The following PCDHB14 variants were observed in gnomAD, a reference collection of about 807,000 sequenced individuals.
PCDHB14 encodes the protein protocadherin beta 14.
For missense variants in PCDHB14, 1,129 were observed against 1,000.5 expected, an observed-to-expected ratio of 1.13 and a Z score of -1.73; for synonymous variants, 511 against 441.5, an observed-to-expected ratio of 1.16 and a Z score of -1.97.
chr5:141,224,945 A>C lies in PCDHB14; in HGVS notation c.1440A>C (p.Ser480=), dbSNP rs201491307. ...IGSVSATDRD[S]GTNAQVNYSL... is the part of the protein sequence containing the mutation. ...GCGTCAGCGCCACAGACAGAGACTC[A>C]GGCACCAACGCCCAGGTCAACTACT... Residue 480 remains serine (S), a synonymous_variant, in exon 1 of 1, where the codon TCA becomes TCC. Coordinates refer to ENST00000239449, the MANE Select transcript of PCDHB14 (RefSeq NM_018934.4). The C allele has an allele frequency of 6.2e-7, 1 of 1,612,676 alleles. No homozygotes were observed. The highest frequency in any genetic ancestry group is 8.5e-7 in the Non-Finnish European group (1 of 1,180,022).
chr5:141,225,060 C>G lies in PCDHB14; in HGVS notation c.1555C>G (p.Leu519Val). 1 of 1,612,484 alleles carries G rather than the reference C, an allele frequency of 6.2e-7. No individual in the cohort carries two copies. The highest frequency in any genetic ancestry group is 8.5e-7 in the Non-Finnish European group (1 of 1,179,928). The change falls in exon 1 of 1, where the codon CTG becomes GTG. Residue 519 changes from leucine to valine, a missense_variant. Leu to Val is a conservative substitution (Grantham distance 32). Transcript: ENST00000239449. ...DNGHLFALRSLDYEALQEFEF... is the reference protein window; with the variant it reads ...DNGHLFALRSVDYEALQEFEF... ...TGGCCACCTGTTTGCCCTCAGGTCG[C>G]TGGACTACGAGGCCCTACAGGAGTT... is the stretch of plus-strand genomic sequence containing the variant.
chr5:141,223,894 C>T lies in PCDHB14; in HGVS notation c.389C>T (p.Ser130Phe), dbSNP rs782262828. 6.2e-7 allele frequency: 1 copy of T among 1,613,432 alleles called. No individual in the cohort carries two copies. Among genetic ancestry groups the T allele is most frequent in the South Asian group, 1.1e-5 (1 of 91,008 alleles). ...ELCVKDINDH[S>F]PTFLDKEILI... ...TGTGTCAAAGACATAAATGATCACT[C>T]CCCTACATTTCTAGACAAGGAAATA... The change falls in exon 1 of 1, where the codon TCC (serine) becomes TTC (phenylalanine). Residue 130 changes from serine to phenylalanine, a missense_variant. Physicochemically the swap from Ser to Phe is radical, Grantham distance 155. Coordinates refer to ENST00000239449, the MANE Select transcript of PCDHB14 (RefSeq NM_018934.4).
chr5:141,223,606 C>G lies in PCDHB14; in HGVS notation c.101C>G (p.Ser34Cys), dbSNP rs1262522304. ...GCAGGTACTGAATCTGCACACTATT[C>G]TGTGGCAGAGGAAACAGAAATTGGC... ...SRAGTESAHYSVAEETEIGSF... is the reference protein window; with the variant it reads ...SRAGTESAHYCVAEETEIGSF... Residue 34 changes from serine to cysteine, a missense_variant, in exon 1 of 1, where the codon TCT becomes TGT. Transcript: ENST00000239449. The G allele has an allele frequency of 6.2e-7, 1 of 1,614,056 alleles. No individual in the cohort carries two copies. The highest frequency in any genetic ancestry group is 1.1e-5 in the South Asian group (1 of 91,082).
chr5:141,223,663 G>A lies in PCDHB14; in HGVS notation c.158G>A (p.Gly53Glu), dbSNP rs369377622. The A allele has an allele frequency of 1.1e-5, 17 of 1,614,162 alleles. No homozygotes were observed. Among genetic ancestry groups the A allele is most frequent in the Non-Finnish European group, 1.4e-5 (17 of 1,180,034 alleles). ...GTGGCTAATCTAGCGAGGGACCTAGGGCTGGGGGTGGAGGAGCTGTCTTCA... is the reference window on the plus strand; with the variant it reads ...GTGGCTAATCTAGCGAGGGACCTAGAGCTGGGGGTGGAGGAGCTGTCTTCA... ...SFVANLARDL[G>E]LGVEELSSRE... is the part of the protein sequence containing the mutation. Residue 53 changes from glycine to glutamate, a missense_variant, in exon 1 of 1, where the codon GGG (glycine) becomes GAG (glutamate). Physicochemically the swap from Gly to Glu is moderately conservative, Grantham distance 98 (BLOSUM62 -2). Coordinates refer to ENST00000239449, the MANE Select transcript of PCDHB14 (RefSeq NM_018934.4).
At position 141,224,304 on chromosome 5, in the gene PCDHB14, A is replaced by G; in HGVS notation, c.799A>G (p.Lys267Glu). The change falls in exon 1 of 1, where the codon AAG becomes GAG. Residue 267 changes from lysine (K) to glutamate (E), a missense_variant. Coordinates refer to ENST00000239449, the MANE Select transcript of PCDHB14 (RefSeq NM_018934.4). ...LGSWIATISAKDLDAGNYGKI... is the reference protein window; with the variant it reads ...LGSWIATISAEDLDAGNYGKI... ...CTCCTGGATTGCCACCATCTCAGCT[A>G]AGGATCTGGATGCAGGAAACTATGG... 2.5e-6 allele frequency: 4 copies of G among 1,614,126 alleles called. No homozygotes were observed. Among genetic ancestry groups the G allele is most frequent in the Non-Finnish European group, 3.4e-6 (4 of 1,179,996 alleles).
Position 141,225,703 on chromosome 5 carries a change from C to G in PCDHB14, c.2198C>G (p.Pro733Arg). Residue 733 changes from proline (P) to arginine (R), a missense_variant, in exon 1 of 1, where the codon CCA (proline) becomes CGA (arginine). Transcript: ENST00000239449. The part of the protein sequence containing the change: ...GRCSVPEGPF[P>R]GHLVDVSGTG... ...TGCTCGGTGCCCGAGGGTCCCTTTC[C>G]AGGGCATCTGGTGGACGTGAGCGGC... The G allele has an allele frequency of 1.2e-6, 2 of 1,614,202 alleles. No homozygotes were observed. Among genetic ancestry groups the G allele is most frequent in the Non-Finnish European group, 1.7e-6 (2 of 1,180,048 alleles).
Position 141,225,544 on chromosome 5 carries a change from A to T in PCDHB14, c.2039A>T (p.Gln680Leu), listed in dbSNP as rs1754837083. The T allele has an allele frequency of 3.1e-6, 5 of 1,610,156 alleles. No homozygotes were observed. In the Admixed American group the frequency reaches 6.7e-5, roughly 21 times the overall value. The change falls in exon 1 of 1, where the codon CAG (glutamine) becomes CTG (leucine). Residue 680 changes from glutamine (Q) to leucine (L), a missense_variant. Physicochemically the swap from Gln to Leu is moderately radical, Grantham distance 113. Coordinates refer to ENST00000239449, the MANE Select transcript of PCDHB14 (RefSeq NM_018934.4). The stretch of plus-strand genomic sequence containing the variant: ...CCGCTCCCTGAGGCGGCCCCGGCCC[A>T]GGCCCAGGCCGACTCCCTCACCGTC... ...YLPLPEAAPA[Q>L]AQADSLTVYL...
In PCDHB14 at chr5:141,224,440, T is replaced by C. The variant is rs1554289168; in HGVS notation, c.935T>C (p.Ile312Thr). ...AGATCACCCCTGGATTTTGAAGTAA[T>C]ACAGTCCTACACTATAAATATTCAG... Reference protein sequence around the residue: ...NLRSPLDFEVIQSYTINIQAT... With the variant: ...NLRSPLDFEVTQSYTINIQAT... Residue 312 changes from isoleucine to threonine, a missense_variant, in exon 1 of 1, where the codon ATA (isoleucine) becomes ACA (threonine). By Grantham distance (89) the Ile-to-Thr change is moderately conservative. Coordinates refer to ENST00000239449, the MANE Select transcript of PCDHB14 (RefSeq NM_018934.4). 6.2e-7 allele frequency: 1 copy of C among 1,609,472 alleles called. No homozygotes were observed. The highest frequency in any genetic ancestry group is 1.1e-5 in the South Asian group (1 of 90,152).
Position 141,225,618 on chromosome 5 carries a change from G to T in PCDHB14, c.2113G>T (p.Val705Leu), listed in dbSNP as rs1554289544. The change falls in exon 1 of 1, where the codon GTG becomes TTG. Residue 705 changes from valine (V) to leucine (L), a missense_variant. Transcript: ENST00000239449. ...ASVSSLFLFS[V>L]LLFVAVRLCR... ...GGTGTCGTCGCTCTTCCTCTTCTCGGTGCTCCTGTTCGTGGCGGTGCGGCT... is the reference window on the plus strand; with the variant it reads ...GGTGTCGTCGCTCTTCCTCTTCTCGTTGCTCCTGTTCGTGGCGGTGCGGCT... 2 of 1,612,554 alleles carry T rather than the reference G, an allele frequency of 1.2e-6. No individual in the cohort carries two copies. Among genetic ancestry groups the T allele is most frequent in the South Asian group, 1.1e-5 (1 of 91,060 alleles).
rs782199750 is a variant in PCDHB14, at chr5:141,225,083, G to T, written c.1578G>T (p.Glu526Asp). 4 of 1,612,334 alleles carry T rather than the reference G, an allele frequency of 2.5e-6. No homozygotes were observed. The highest frequency in any genetic ancestry group is 3.4e-6 in the Non-Finnish European group (4 of 1,179,884). ...CGCTGGACTACGAGGCCCTACAGGA[G>T]TTCGAGTTTCGCGTGGGCGCCACAG... ...LRSLDYEALQ[E>D]FEFRVGATDR... Residue 526 changes from glutamate (E) to aspartate (D), a missense_variant, in exon 1 of 1, where the codon GAG becomes GAT. Coordinates refer to ENST00000239449, the MANE Select transcript of PCDHB14 (RefSeq NM_018934.4).
In PCDHB14 at chr5:141,225,510, C is replaced by G. The variant is rs879969091; in HGVS notation, c.2005C>G (p.Pro669Ala). Residue 669 changes from proline to alanine, a missense_variant, in exon 1 of 1, where the codon CCC (proline) becomes GCC (alanine). Pro to Ala is a conservative substitution (Grantham distance 27, BLOSUM62 -1). Coordinates refer to ENST00000239449, the MANE Select transcript of PCDHB14 (RefSeq NM_018934.4). ...HVLLVDGFSQPYLPLPEAAPA... is the reference protein window; with the variant it reads ...HVLLVDGFSQAYLPLPEAAPA... ...GCTCCTGGTGGACGGCTTCTCCCAG[C>G]CCTACCTGCCGCTCCCTGAGGCGGC... 1.9e-6 allele frequency: 3 copies of G among 1,608,152 alleles called. No individual in the cohort carries two copies. The South Asian group carries it at 3.3e-5, about 18-fold the overall frequency.
In PCDHB14 at chr5:141,225,458, T is replaced by G. The variant is rs650955; in HGVS notation, c.1953T>G (p.Pro651=). ...TGGTCAAGGACAATGGCGAGCCTCC[T>G]CGCTCGGCCACCGCCACGCTGCACG... The part of the protein sequence containing the change: ...VVLVKDNGEP[P]RSATATLHVL... The change falls in exon 1 of 1, where the codon CCT becomes CCG. Residue 651 remains proline (P), a synonymous_variant. Transcript: ENST00000239449. The G allele has an allele frequency of 0.68, 930,858 of 1,359,512 alleles. 348,489 individuals are homozygous for G. The highest frequency in any genetic ancestry group is 0.85 in the African/African-American group (60,700 of 71,576). 84.2% of individuals were successfully genotyped at this position (1,359,512 alleles called of 1,614,324 possible). A position where few individuals can be genotyped will look rare whatever the true frequency, so the allele number is the denominator to read the frequency against.
rs1451674573 is a variant in PCDHB14, at chr5:141,225,310, T to C, written c.1805T>C (p.Leu602Pro). Residue 602 changes from leucine (L) to proline (P), a missense_variant, in exon 1 of 1, where the codon CTG becomes CCG. By Grantham distance (98) the Leu-to-Pro change is moderately conservative (BLOSUM62 -3). Coordinates refer to ENST00000239449, the MANE Select transcript of PCDHB14 (RefSeq NM_018934.4). ...VDGDSGQNAW[L>P]SYQLLKATEP... is the part of the protein sequence containing the mutation. ...GGCGACTCGGGCCAGAACGCCTGGC[T>C]GTCGTACCAGCTGCTCAAGGCCACG... 1.9e-6 allele frequency: 3 copies of C among 1,600,014 alleles called. No individual in the cohort carries two copies. The highest frequency in any genetic ancestry group is 4.5e-5 in the East Asian group (2 of 44,816).
In PCDHB14 at chr5:141,226,050, A is replaced by C. The variant is rs1163295713; in HGVS notation, c.*148A>C. ...TCTCACAGTTTCTTTAAAAATCTTT[A>C]TTAGTGGCTATAATGACGTGGAAAT... On this transcript the variant is annotated 3_prime_UTR_variant, in exon 1 of 1. Coordinates refer to ENST00000239449, the MANE Select transcript of PCDHB14 (RefSeq NM_018934.4). 1.4e-6 allele frequency: 1 copy of C among 731,574 alleles called. No individual in the cohort carries two copies. The highest frequency in any genetic ancestry group is 2.1e-5 in the South Asian group (1 of 46,640). 45.3% of individuals were successfully genotyped at this position (731,574 alleles called of 1,614,324 possible).
rs151163282 is a variant in PCDHB14 at position 141,224,887 on chromosome 5, G to A, written c.1382G>A (p.Arg461His). ...CAAACCTCCTACACCCTGTTCGTCC[G>A]CGAGAACAACAGCCCCGCCCTGCAC... ...FTQTSYTLFV[R>H]ENNSPALHIG... The change falls in exon 1 of 1, where the codon CGC becomes CAC. Residue 461 changes from arginine to histidine, a missense_variant. By Grantham distance (29) the Arg-to-His change is conservative. Transcript: ENST00000239449. 7.6e-5 allele frequency: 123 copies of A among 1,613,220 alleles called. No homozygotes were observed. The highest frequency in any genetic ancestry group is 7.3e-5 in the Non-Finnish European group (86 of 1,180,028).
rs782400667 is a variant in PCDHB14 at position 141,224,889 on chromosome 5, G to A, written c.1384G>A (p.Glu462Lys). The A allele has an allele frequency of 6.2e-7, 1 of 1,613,186 alleles. No homozygotes were observed. Among genetic ancestry groups the A allele is most frequent in the African/African-American group, 1.3e-5 (1 of 74,896 alleles). Residue 462 changes from glutamate to lysine, a missense_variant, in exon 1 of 1, where the codon GAG (glutamate) becomes AAG (lysine). Glu to Lys is a moderately conservative substitution (Grantham distance 56). Transcript: ENST00000239449. Reference sequence around the variant, plus strand: ...AACCTCCTACACCCTGTTCGTCCGCGAGAACAACAGCCCCGCCCTGCACAT... The same window carrying A: ...AACCTCCTACACCCTGTTCGTCCGCAAGAACAACAGCCCCGCCCTGCACAT... Reference protein sequence around the residue: ...TQTSYTLFVRENNSPALHIGS... With the variant: ...TQTSYTLFVRKNNSPALHIGS...
chr5:141,225,906 A>AATTT lies in PCDHB14; in HGVS notation c.*9_*12dup, dbSNP rs781935672. 1.3e-6 allele frequency: 2 copies of AATTT among 1,588,314 alleles called. No homozygotes were observed. The highest frequency in any genetic ancestry group is 1.7e-6 in the Non-Finnish European group (2 of 1,166,922). ...CTTTGGACTTAACATTCAATAAAAC[A>AATTT]ATTTATTTTAAATGTCTAATTTTTG... On this transcript the variant is annotated 3_prime_UTR_variant, in exon 1 of 1. Coordinates refer to ENST00000239449, the MANE Select transcript of PCDHB14 (RefSeq NM_018934.4).
At position 141,224,667 on chromosome 5, in the gene PCDHB14, A is replaced by C; in HGVS notation, c.1162A>C (p.Asn388His). 4 of 1,614,150 alleles carry C rather than the reference A, an allele frequency of 2.5e-6. No homozygotes were observed. Among genetic ancestry groups the C allele is most frequent in the Non-Finnish European group, 3.4e-6 (4 of 1,180,022 alleles). Residue 388 changes from asparagine (N) to histidine (H), a missense_variant, in exon 1 of 1, where the codon AAC (asparagine) becomes CAC (histidine). Physicochemically the swap from Asn to His is moderately conservative, Grantham distance 68 (BLOSUM62 1). Transcript: ENST00000239449. ...NGRMICSIQD[N>H]LPFFLKPTFK... ...GAGGATGATTTGCTCTATTCAAGAT[A>C]ACCTCCCTTTTTTCCTGAAACCGAC... is the stretch of plus-strand genomic sequence containing the variant.
Position 141,225,439 on chromosome 5 carries a change from A to G in PCDHB14, c.1934A>G (p.Lys645Arg), listed in dbSNP as rs1481130686. Residue 645 changes from lysine to arginine, a missense_variant, in exon 1 of 1, where the codon AAG (lysine) becomes AGG (arginine). Lys to Arg is a conservative substitution (Grantham distance 26). Transcript: ENST00000239449. Reference protein sequence around the residue: ...AAKHRLVVLVKDNGEPPRSAT... With the variant: ...AAKHRLVVLVRDNGEPPRSAT... ...AAGCACAGGCTGGTGGTGCTGGTCA[A>G]GGACAATGGCGAGCCTCCTCGCTCG... The G allele has an allele frequency of 1.9e-6, 3 of 1,604,024 alleles. No homozygotes were observed. The highest frequency in any genetic ancestry group is 2.5e-6 in the Non-Finnish European group (3 of 1,179,278).
Sources: gnomAD v4.1 joint callset for allele counts on GRCh38, gnomAD v4.1.1 for gene constraint, MANE v1.5 for transcripts, NCBI Gene and HGNC (gene_info 2026-07-23, HGNC 2026-07-21) for gene names.